The following LRP2 variants were observed in gnomAD, a reference collection of about 807,000 sequenced individuals.
LRP2 encodes low-density lipoprotein receptor-related protein 2.
A neutral mutation model predicts 531.0 loss-of-function variants in LRP2; 172 were observed. The observed-to-expected ratio is 0.32, with a 90% CI of 0.29 to 0.37. The LOEUF (loss-of-function observed/expected upper bound fraction) is 0.37. LRP2 is among the 10% of genes least tolerant of loss of function. LRP2 has a pLI of 1.00. For missense variants in LRP2, 5,167 were observed against 5,868.3 expected, an observed-to-expected ratio of 0.88 and a Z score of 3.90; for synonymous variants, 1,992 against 2,027.6, an observed-to-expected ratio of 0.98 and a Z score of 0.47.
chr2:169,234,168 TGTGCAGAAC>T (rs544955836), intron 29 of LRP2, among the ~76,000 whole-genome samples: 46 of 152,224 alleles, frequency 3.0e-4, no homozygotes, highest in Non-Finnish European at 6.5e-4. Context: ...CTGGGATACA[TGTGCAGAAC>T]GTGCAGGTTT....
Position 169,339,475 on chromosome 2 carries a change from C to T in LRP2, c.80-18591G>A, listed in dbSNP as rs531082515. 4.6e-5 allele frequency among the ~76,000 whole-genome samples: 7 copies of T among 152,200 alleles called. No homozygotes were observed. In the East Asian group the frequency reaches 1.3e-3, roughly 29 times the overall value. On this transcript the variant is annotated intron_variant, in intron 1 of 78. Transcript: ENST00000649046. ...CACTACTTAGTGAAATAAATTAACT[C>T]TTTGCTAAATTATTTCTCTGGTTGA...
At chr2:169,143,043 A>G (rs191356175) in intron 70 of LRP2, among the ~76,000 whole-genome samples, 1 of 152,186 alleles carries the variant, frequency 6.6e-6, no homozygotes, top group East Asian at 1.9e-4. Context: ...GGCATCACTT[A>G]TCTTCTCTGC....
intron 76 of LRP2, among the ~76,000 whole-genome samples, chr2:169,133,075 C>T (rs1685351516): frequency 1.3e-5 from 2 of 152,210 alleles, no homozygotes; most frequent in South Asian, 4.1e-4. Context: ...AATTCCCCAA[C>T]CTCACTGATG....
intron 1 of LRP2, among the ~76,000 whole-genome samples, chr2:169,341,986 T>C (rs1347970096): frequency 1.3e-5 from 2 of 152,152 alleles, no homozygotes; most frequent in African/African-American, 4.8e-5. Flanking sequence ...AACTATCCTG[T>C]GTATTGCAAC....
intron 1 of LRP2, among the ~76,000 whole-genome samples, chr2:169,341,252 T>C (rs1559083747): frequency 6.6e-6 from 1 of 152,144 alleles, no homozygotes; most frequent in African/African-American, 2.4e-5. Flanking sequence ...TCTTCATCAA[T>C]GTCACTGGCA....
intron 1 of LRP2, among the ~76,000 whole-genome samples, chr2:169,322,938 A>C (rs1684943993): frequency 6.6e-6 from 1 of 152,214 alleles, no homozygotes; most frequent in Admixed American, 6.5e-5. Context: ...GCTATTTCTT[A>C]AGCAACTTTT....
intron 65 of LRP2, 40 bp downstream of exon 65, chr2:169,156,234 T>A: frequency 6.2e-7 from 1 of 1,612,802 alleles, no homozygotes; most frequent in Non-Finnish European, 8.5e-7. Context: ...AGTATTTATT[T>A]CCCCAAAAGT....
At position 169,226,556 on chromosome 2, in the gene LRP2, G is replaced by A. The variant is rs754101497; in HGVS notation, c.5260C>T (p.His1754Tyr). ...TTAAGGGAGATTCCAAAAATTATAT[G>A]TTGCCTTACAGTTATTAAGAAAGGT... Reference protein sequence around the residue: ...DQPFLITVRQHIIFGISLNPE... With the variant: ...DQPFLITVRQYIIFGISLNPE... The change falls in exon 32 of 79, where the codon CAT (histidine) becomes TAT (tyrosine). Residue 1754 changes from histidine (H) to tyrosine (Y), a missense_variant. Transcript: ENST00000649046. 6.2e-7 allele frequency: 1 copy of A among 1,612,652 alleles called. No homozygotes were observed. Among genetic ancestry groups the A allele is most frequent in the Non-Finnish European group, 8.5e-7 (1 of 1,178,850 alleles).
chr2:169,244,911 G>A lies in LRP2; in HGVS notation c.3212C>T (p.Ala1071Val), dbSNP rs756882589. The change falls in exon 22 of 79, where the codon GCG becomes GTG. Residue 1071 changes from alanine to valine, a missense_variant. Physicochemically the swap from Ala to Val is moderately conservative, Grantham distance 64 (BLOSUM62 0). Around this residue, in one of 6 missense-constraint regions of LRP2, gnomAD observed 2,811 missense variants for 3,058.0 expected, o/e 0.92. Coordinates refer to ENST00000649046, the MANE Select transcript of LRP2 (RefSeq NM_004525.3). ...GCACTCCCCATGGCCACAGGTGAACGCCGAAGATGAACAGGTATTATCTAC... is the reference window on the plus strand; with the variant it reads ...GCACTCCCCATGGCCACAGGTGAACACCGAAGATGAACAGGTATTATCTAC... ...GTLNNTCSSS[A>V]FTCGHGECIP... The A allele has an allele frequency of 1.1e-5, 17 of 1,614,096 alleles. No homozygotes were observed. Among genetic ancestry groups the A allele is most frequent in the Admixed American group, 1.7e-5 (1 of 60,010 alleles).
At chr2:169,345,560 T>A (rs1244030418) in intron 1 of LRP2, among the ~76,000 whole-genome samples, 3 of 152,112 alleles carry the variant, frequency 2.0e-5, no homozygotes, top group African/African-American at 7.2e-5. Flanking sequence ...ACTGTTCTAA[T>A]CCCGAATGAG....
At chr2:169,195,433 G>A (rs1020829528) in intron 46 of LRP2, among the ~76,000 whole-genome samples, 1 of 151,990 alleles carries the variant, frequency 6.6e-6, no homozygotes, top group Non-Finnish European at 1.5e-5. Flanking sequence ...GAGGAGTGAG[G>A]GGATTGGAGA....
intron 21 of LRP2, 50 bp downstream of exon 21, chr2:169,246,655 A>G: frequency 6.3e-7 from 1 of 1,598,054 alleles, no homozygotes; most frequent in South Asian, 1.1e-5. Context: ...TTTAAAGCCC[A>G]CCTCTACTCT....
chr2:169,298,061 A>G (rs996991780), intron 4 of LRP2, among the ~76,000 whole-genome samples: 38 of 152,040 alleles, frequency 2.5e-4, no homozygotes, highest in African/African-American at 8.5e-4. Context: ...GTCATCCTTT[A>G]TAAGTTACTT....
Position 169,174,017 on chromosome 2 carries a change from T to C in LRP2, c.10916A>G (p.Gln3639Arg). 3 of 1,614,228 alleles carry C rather than the reference T, an allele frequency of 1.9e-6. No individual in the cohort carries two copies. The highest frequency in any genetic ancestry group is 2.5e-6 in the Non-Finnish European group (3 of 1,180,032). ...GCAGCGGCCATTAGCACACCGAAAC[T>C]GGCCCGGCCGGCAGGTCCTGCTGGC... Reference protein sequence around the residue: ...HCASRTCRPGQFRCANGRCIP... With the variant: ...HCASRTCRPGRFRCANGRCIP... The change falls in exon 56 of 79, where the codon CAG becomes CGG. Residue 3639 changes from glutamine (Q) to arginine (R), a missense_variant. Around this residue, in one of 6 missense-constraint regions of LRP2, gnomAD observed 311 missense variants for 309.4 expected, o/e 1.01. Coordinates refer to ENST00000649046, the MANE Select transcript of LRP2 (RefSeq NM_004525.3).
intron 29 of LRP2, 58 bp from the exon 30 acceptor site, chr2:169,233,646 G>A (rs1689495559): frequency 1.4e-6 from 2 of 1,422,180 alleles, no homozygotes; most frequent in African/African-American, 2.8e-5. Context: ...AAGGTGCACT[G>A]AGTCAAAGAG....
At chr2:169,301,918 C>T (rs1264621655) in intron 4 of LRP2, among the ~76,000 whole-genome samples, 6 of 152,124 alleles carry the variant, frequency 3.9e-5, no homozygotes, top group African/African-American at 7.2e-5. Context: ...CTCCCTAATC[C>T]TTTTGAATAT....
At chr2:169,292,949 C>T (rs951879200) in intron 6 of LRP2, among the ~76,000 whole-genome samples, 1 of 152,014 alleles carries the variant, frequency 6.6e-6, no homozygotes, top group East Asian at 1.9e-4. Context: ...CGTTCTCATA[C>T]TTTACTACAA....
chr2:169,286,587 C>T (rs1683864501), intron 9 of LRP2, among the ~76,000 whole-genome samples: 1 of 152,204 alleles, frequency 6.6e-6, no homozygotes, highest in African/African-American at 2.4e-5. Flanking sequence ...GAATCTCTGA[C>T]ATTTAGAAAA....
At position 169,312,135 on chromosome 2, in the gene LRP2, A is replaced by T. The variant is rs1400162315; in HGVS notation, c.311-4738T>A. Among the ~76,000 whole-genome samples the T allele has an allele frequency of 2.0e-5, 3 of 152,110 alleles. No homozygotes were observed. In the East Asian group the frequency reaches 5.8e-4, roughly 29 times the overall value. On this transcript the variant is annotated intron_variant, in intron 3 of 78. Coordinates refer to ENST00000649046, the MANE Select transcript of LRP2 (RefSeq NM_004525.3). ...TGGGTTTCCTGAATACAGCACACTGATGGGTCTTGACTCTTTATCCAATTT... is the reference window on the plus strand; with the variant it reads ...TGGGTTTCCTGAATACAGCACACTGTTGGGTCTTGACTCTTTATCCAATTT...
Sources: gnomAD v4.1 joint callset for allele counts (sites outside exome capture counted in the v4.1 genomes callset) on GRCh38, gnomAD v4.1.1 for gene constraint, gnomAD v4.1.1 regional missense constraint, MANE v1.5 for transcripts, NCBI Gene and HGNC (gene_info 2026-07-23, HGNC 2026-07-21) for gene names.